The following PRKN variants were observed in gnomAD, a reference collection of about 807,000 sequenced individuals.
The protein encoded by PRKN is parkin RBR E3 ubiquitin protein ligase, also known as E3 ubiquitin-protein ligase parkin.
A neutral mutation model predicts 59.5 loss-of-function variants in PRKN; 56 were observed. The observed-to-expected ratio is 0.94, with a 90% confidence interval of 0.76 to 1.18. The LOEUF (loss-of-function observed/expected upper bound fraction) is 1.18, where lower values mean the gene tolerates loss of function less well. PRKN is among the 50% of genes most tolerant of loss of function. The pLI is 0.00. For synonymous variants in PRKN, 250 were observed against 222.1 expected (o/e 1.13, Z -1.12); for missense variants, 657 against 596.4 (o/e 1.10, Z -1.06).
chr6:162,711,192 G>A (rs895902481), intron 1 of PRKN, among the ~76,000 whole-genome samples: 4 of 152,274 alleles, frequency 2.6e-5, no homozygotes, highest in Admixed American at 1.3e-4. Context: ...CTAAAGACCA[G>A]GCATTTCATA....
chr6:162,227,691 ATAG>A (rs1778241875), intron 3 of PRKN, among the ~76,000 whole-genome samples: 1 of 152,214 alleles, frequency 6.6e-6, no homozygotes, highest in African/African-American at 2.4e-5. Context: ...CTTGAAAAAC[ATAG>A]TAGGGAAAAA....
chr6:162,340,468 G>A (rs1017972713), intron 2 of PRKN, among the ~76,000 whole-genome samples: 2 of 152,192 alleles, frequency 1.3e-5, no homozygotes, highest in Non-Finnish European at 2.9e-5. Context: ...AAAACTGGCA[G>A]ATATCTAATA....
chr6:161,636,891 A>G (rs1783543987), intron 7 of PRKN, among the ~76,000 whole-genome samples: 1 of 152,166 alleles, frequency 6.6e-6, no homozygotes, highest in Admixed American at 6.5e-5. Context: ...AGCTGTAAGC[A>G]CACTGGAGAA....
chr6:161,793,484 G>T (rs1382223347), intron 6 of PRKN, among the ~76,000 whole-genome samples: 1 of 151,740 alleles, frequency 6.6e-6, no homozygotes, highest in Non-Finnish European at 1.5e-5. Context: ...CTACATTTTT[G>T]AATCACTTTT....
intron 4 of PRKN, among the ~76,000 whole-genome samples, chr6:162,103,762 GC>G (rs1421012587): frequency 1.3e-5 from 2 of 152,182 alleles, no homozygotes; most frequent in African/African-American, 4.8e-5. Flanking sequence ...AAGGGACCTA[GC>G]CTCAGACGGC....
At chr6:162,248,440 T>G (rs563066378) in intron 3 of PRKN, among the ~76,000 whole-genome samples, 1 of 152,274 alleles carries the variant, frequency 6.6e-6, no homozygotes, top group South Asian at 2.1e-4. Flanking sequence ...TCTGTCTCCA[T>G]CTGATGCTTG....
intron 1 of PRKN, among the ~76,000 whole-genome samples, chr6:162,548,747 A>G (rs1358015818): frequency 6.6e-6 from 1 of 152,290 alleles, no homozygotes; most frequent in African/African-American, 2.4e-5. Context: ...GAGTCTAATA[A>G]TGACACAAAA....
chr6:162,417,875 T>A (rs1183896044), intron 2 of PRKN, among the ~76,000 whole-genome samples: 1 of 152,198 alleles, frequency 6.6e-6, no homozygotes, highest in East Asian at 1.9e-4. Flanking sequence ...ATAGTAGACT[T>A]TTCAATACTC....
intron 7 of PRKN, among the ~76,000 whole-genome samples, chr6:161,655,871 C>CAA (rs1162160162): frequency 1.7e-4 from 8 of 47,782 alleles, no homozygotes; most frequent in African/African-American, 1.2e-3. Flanking sequence ...CACATGCACA[C>CAA]ACACACACAC....
At chr6:161,634,964 C>G (rs1783458530) in intron 7 of PRKN, among the ~76,000 whole-genome samples, 1 of 152,138 alleles carries the variant, frequency 6.6e-6, no homozygotes. Flanking sequence ...TGTTCTCACC[C>G]CAAAGAACCC....
rs1784767828 is a variant in PRKN at position 161,356,659 on chromosome 6, A to G, written c.1285+3429T>C. On this transcript the variant is annotated intron_variant, in intron 11 of 11. Transcript: ENST00000366898. The surrounding 1 kb of genome is among the most constrained non-coding windows in gnomAD (Gnocchi z 7.8). The stretch of plus-strand genomic sequence containing the variant: ...GATTGAATGCAGGGTGAGGAAGAGC[A>G]TGGAATGAAGGATGAGCTTTAGCTT... 6.6e-6 allele frequency among the ~76,000 whole-genome samples: 1 copy of G among 152,166 alleles called. No individual in the cohort carries two copies. Among genetic ancestry groups the G allele is most frequent in the Non-Finnish European group, 1.5e-5 (1 of 68,036 alleles).
intron 9 of PRKN, among the ~76,000 whole-genome samples, chr6:161,495,368 T>G (rs1177140821): frequency 1.5e-4 from 23 of 152,258 alleles, no homozygotes; most frequent in Admixed American, 1.2e-3. Context: ...TATCTTCTCC[T>G]CCCGATGTGT....
chr6:162,305,517 C>T lies in PRKN; in HGVS notation c.172-42752G>A, dbSNP rs116495124. Among the ~76,000 whole-genome samples, 605 of 152,136 alleles carry T rather than the reference C, an allele frequency of 4.0e-3. 2 individuals carry two copies. The highest frequency in any genetic ancestry group is 0.014 in the African/African-American group (589 of 41,506). On this transcript the variant is annotated intron_variant, in intron 2 of 11. Transcript: ENST00000366898. ...CAGAGTATAATTCTTGAACGAGCTT[C>T]GCTCTTATTTCCAAATGCTTTTAGA...
intron 1 of PRKN, among the ~76,000 whole-genome samples, chr6:162,540,105 G>A (rs537994192): frequency 4.6e-4 from 70 of 152,138 alleles, no homozygotes; most frequent in Admixed American, 1.3e-3. Context: ...TAGTACAGAC[G>A]GGGTTTCACC....
chr6:162,618,814 T>C (rs560377424), intron 1 of PRKN, among the ~76,000 whole-genome samples: 18 of 152,340 alleles, frequency 1.2e-4, no homozygotes, highest in Admixed American at 9.8e-4. Context: ...GCTTTGGGGA[T>C]ATTACATGTG....
chr6:161,569,266 C>T lies in PRKN; in HGVS notation c.933+89G>A, dbSNP rs971906844. 1.1e-5 allele frequency: 12 copies of T among 1,141,680 alleles called. No individual in the cohort carries two copies. In the African/African-American group the frequency reaches 1.8e-4, roughly 17 times the overall value. 70.7% of individuals were successfully genotyped at this position (1,141,680 alleles called of 1,614,324 possible). A position where few individuals can be genotyped will look rare whatever the true frequency, so the allele number is the denominator to read the frequency against. ...TTTCAGGGCACCCAGGGTCAGGAGA[C>T]ATACTCGGCCTCCCTGGGGAGCCCA... On this transcript the variant is annotated intron_variant, in intron 8 of 11. Transcript: ENST00000366898.
intron 2 of PRKN, among the ~76,000 whole-genome samples, chr6:162,335,997 A>AGCAGT (rs1783827033): frequency 6.6e-6 from 1 of 151,632 alleles, no homozygotes; most frequent in African/African-American, 2.4e-5. Flanking sequence ...GCTTTCTCTG[A>AGCAGT]GCAGTGCGGC....
At chr6:162,716,784 GCGCA>G (rs1778744515) in intron 1 of PRKN, among the ~76,000 whole-genome samples, 1 of 122,970 alleles carries the variant, frequency 8.1e-6, no homozygotes, top group African/African-American at 3.7e-5. Context: ...ACACACACAC[GCGCA>G]CACACACACA....
chr6:162,704,751 T>A (rs1471509581), intron 1 of PRKN, among the ~76,000 whole-genome samples: 1 of 152,178 alleles, frequency 6.6e-6, no homozygotes. Context: ...GAATACTGAA[T>A]GAGTTATTGT....
Sources: allele counts gnomAD v4.1 joint callset (sites outside exome capture counted in the v4.1 genomes callset), GRCh38; gene constraint gnomAD v4.1.1; non-coding constraint Gnocchi (gnomAD v3.1); transcripts MANE v1.5; gene names NCBI Gene and HGNC (gene_info 2026-07-23, HGNC 2026-07-21).